The following SCPEP1 variants were observed in gnomAD, a reference collection of about 807,000 sequenced individuals.
SCPEP1 encodes retinoid-inducible serine carboxypeptidase.
In SCPEP1, 51 loss-of-function variants were observed where a neutral mutation model predicts 63.8. That is an observed-to-expected ratio of 0.80 (90% CI 0.64 to 1.01). SCPEP1 has a LOEUF of 1.01. SCPEP1 is among the 50% of genes least tolerant of loss of function. The probability of loss-of-function intolerance (pLI) is 0.00; values close to 1 mark genes in which losing one functional copy is unlikely to be tolerated. For missense variants in SCPEP1, 499 were observed against 554.9 expected, an observed-to-expected ratio of 0.90 and a Z score of 1.01; for synonymous variants, 204 against 207.8, an observed-to-expected ratio of 0.98 and a Z score of 0.16.
intron 8 of SCPEP1, among the ~76,000 whole-genome samples, chr17:56,996,061 G>A (rs1911548764): frequency 6.6e-6 from 1 of 152,000 alleles, no homozygotes; most frequent in Non-Finnish European, 1.5e-5. Flanking sequence ...TAACACCTAG[G>A]CCCTTGGTTT....
At chr17:56,985,814 C>T (rs1452277539) in intron 3 of SCPEP1, among the ~76,000 whole-genome samples, 1 of 152,038 alleles carries the variant, frequency 6.6e-6, no homozygotes, top group Non-Finnish European at 1.5e-5. Context: ...GCCACAGCCC[C>T]CAGTCCTTTT....
At chr17:56,987,640 T>C (rs1911262504) in intron 3 of SCPEP1, 55 bp from the exon 4 acceptor site, 1 of 1,575,090 alleles carries the variant, frequency 6.3e-7, no homozygotes, top group Non-Finnish European at 8.7e-7. Context: ...GATCCAAAGA[T>C]GATTGGTGAC....
intron 12 of SCPEP1, among the ~76,000 whole-genome samples, chr17:57,003,694 G>A (rs754964088): frequency 6.6e-5 from 10 of 152,178 alleles, no homozygotes; most frequent in East Asian, 3.8e-4. Flanking sequence ...GGAGGGGCCC[G>A]CAGTGCTAAG....
Position 57,002,133 on chromosome 17 carries a change from G to A in SCPEP1, c.1248G>A (p.Lys416=). The change falls in exon 12 of 13, where the codon AAG becomes AAA. Residue 416 remains lysine (K), a synonymous_variant. Coordinates refer to ENST00000262288, the MANE Select transcript of SCPEP1 (RefSeq NM_021626.3). ...CTTTGGAAACATCTGCTTTTGTCAA[G>A]TCCTACAAGAACCTTGCTTTCTACT... ...PKSLETSAFV[K]SYKNLAFYWI... 1 of 1,614,196 alleles carries A rather than the reference G, an allele frequency of 6.2e-7. No individual in the cohort carries two copies. Among genetic ancestry groups the A allele is most frequent in the Non-Finnish European group, 8.5e-7 (1 of 1,180,010 alleles).
At chr17:56,991,606 A>G (rs1291882066) in intron 6 of SCPEP1, among the ~76,000 whole-genome samples, 5 of 152,196 alleles carry the variant, frequency 3.3e-5, no homozygotes, top group African/African-American at 1.2e-4. Context: ...ATTGATGGCA[A>G]GACAAGGTTA....
intron 8 of SCPEP1, among the ~76,000 whole-genome samples, chr17:56,996,548 C>T (rs891518751): frequency 6.7e-6 from 1 of 149,188 alleles, no homozygotes; most frequent in Non-Finnish European, 1.5e-5. Context: ...GAGACTAAGT[C>T]TGGCTCTGTC....
In SCPEP1 at chr17:56,995,556, A is replaced by C. The variant is rs754598304; in HGVS notation, c.707A>C (p.Gln236Pro). Residue 236 changes from glutamine (Q) to proline (P), a missense_variant, in exon 8 of 13, where the codon CAA becomes CCA. Coordinates refer to ENST00000262288, the MANE Select transcript of SCPEP1 (RefSeq NM_021626.3). The part of the protein sequence containing the change: ...GLAEVSKVAE[Q>P]VLNAVNKGLY... ...GCAGAGGTGTCTAAGGTTGCAGAGC[A>C]AGTACTGAATGCCGTAAATAAGGGG... 1 of 1,614,178 alleles carries C rather than the reference A, an allele frequency of 6.2e-7. No individual in the cohort carries two copies. The highest frequency in any genetic ancestry group is 8.5e-7 in the Non-Finnish European group (1 of 1,180,028).
intron 3 of SCPEP1, 138 bp from the exon 4 acceptor site, chr17:56,987,557 C>A: frequency 1.4e-6 from 1 of 696,752 alleles, no homozygotes; most frequent in Non-Finnish European, 2.1e-6. Context: ...TTAAAAATCT[C>A]TTTTAGCAAC....
chr17:56,985,638 C>T (rs1332103233), intron 3 of SCPEP1, among the ~76,000 whole-genome samples, 171 bp downstream of exon 3: 1 of 152,180 alleles, frequency 6.6e-6, no homozygotes, highest in Non-Finnish European at 1.5e-5. Context: ...CCTAGCTTCT[C>T]TCCCATTTCT....
intron 3 of SCPEP1, among the ~76,000 whole-genome samples, chr17:56,986,452 TCGTGATCCACCTG>T (rs955913307): frequency 6.4e-4 from 98 of 152,206 alleles, no homozygotes; most frequent in African/African-American, 1.9e-3. Context: ...ACTCTTGACC[TCGTGATCCACCTG>T]CCTCAGCTTC....
intron 6 of SCPEP1, among the ~76,000 whole-genome samples, chr17:56,994,107 C>A (rs186786895): frequency 2.3e-4 from 35 of 152,262 alleles, no homozygotes; most frequent in Non-Finnish European, 4.6e-4. Context: ...GAGACCAAAG[C>A]GAGCAGATTG....
At chr17:56,985,601 G>A in intron 3 of SCPEP1, 134 bp downstream of exon 3, 1 of 670,062 alleles carries the variant, frequency 1.5e-6, no homozygotes, top group Non-Finnish European at 2.6e-6. Flanking sequence ...GAGGCCATGG[G>A]CACTTGTCCG....
At chr17:56,981,490 C>T (rs1237373326) in intron 2 of SCPEP1, among the ~76,000 whole-genome samples, 1 of 152,086 alleles carries the variant, frequency 6.6e-6, no homozygotes, top group African/African-American at 2.4e-5. Flanking sequence ...ACTGAAAACT[C>T]CTGATGATAC....
At chr17:56,993,284 T>C (rs1222479489) in intron 6 of SCPEP1, among the ~76,000 whole-genome samples, 1 of 152,206 alleles carries the variant, frequency 6.6e-6, no homozygotes, top group African/African-American at 2.4e-5. Context: ...ATGTGGCTAT[T>C]AGCTAGCATT....
intron 6 of SCPEP1, among the ~76,000 whole-genome samples, chr17:56,992,084 AG>A (rs1367059154): frequency 3.3e-5 from 5 of 152,232 alleles, no homozygotes; most frequent in Non-Finnish European, 5.9e-5. Context: ...TCTTGATTGC[AG>A]GGGGTGGTTA....
At chr17:57,002,367 C>G (rs1448816747) in intron 12 of SCPEP1, among the ~76,000 whole-genome samples, 186 bp downstream of exon 12, 4 of 152,146 alleles carry the variant, frequency 2.6e-5, no homozygotes, top group Non-Finnish European at 5.9e-5. Context: ...ATTGCTGGAG[C>G]CCAGGAGTTT....
intron 6 of SCPEP1, among the ~76,000 whole-genome samples, chr17:56,991,827 G>A (rs139231610): frequency 1.3e-3 from 201 of 152,334 alleles, no homozygotes; most frequent in African/African-American, 4.2e-3. Flanking sequence ...GCTGTCCTGT[G>A]CATTGTAGGA....
intron 8 of SCPEP1, chr17:56,995,876 T>TAA (rs11361283): frequency 8.9e-5 from 14 of 158,078 alleles, no homozygotes; most frequent in Non-Finnish European, 1.6e-4. Flanking sequence ...TGGATTCTAT[T>TAA]AAAAAAAAAA....
At chr17:56,985,532 T>C (rs1911190476) in intron 3 of SCPEP1, 65 bp downstream of exon 3, 1 of 1,197,966 alleles carries the variant, frequency 8.3e-7, no homozygotes, top group Admixed American at 1.8e-5. Flanking sequence ...TGCCCAACTC[T>C]GGGAGGGGCC....
Sources: gnomAD v4.1 joint callset for allele counts (sites outside exome capture counted in the v4.1 genomes callset) on GRCh38, gnomAD v4.1.1 for gene constraint, MANE v1.5 for transcripts, NCBI Gene and HGNC (gene_info 2026-07-23, HGNC 2026-07-21) for gene names.